Variants in MEGF6 observed in about 807,000 individuals in gnomAD.
The protein encoded by MEGF6 is multiple EGF like domains 6, also known as multiple epidermal growth factor-like domains protein 6.
MEGF6 carries 184 observed loss-of-function variants against 207.1 expected under a neutral mutation model. That is an observed-to-expected ratio of 0.89 (90% confidence interval 0.79 to 1.00). MEGF6 has a LOEUF of 1.00. Ranked by LOEUF, MEGF6 falls within the 50% of genes least tolerant of loss-of-function variation. The pLI, the probability that MEGF6 is intolerant of heterozygous loss-of-function variation, is 0.00. For synonymous variants in MEGF6, 1,038 were observed against 910.0 expected, an observed-to-expected ratio of 1.14 and a Z score of -2.53; for missense variants, 2,282 against 2,202.9, an observed-to-expected ratio of 1.04 and a Z score of -0.72.
intron 30 of MEGF6, among the ~76,000 whole-genome samples, chr1:3,495,175 T>C (rs889242441): frequency 5.3e-5 from 8 of 152,186 alleles, no homozygotes; most frequent in African/African-American, 1.9e-4. Flanking sequence ...TACAGCCGGA[T>C]GCCTGATGAC....
intron 7 of MEGF6, among the ~76,000 whole-genome samples, chr1:3,513,939 G>T (rs2101072629): frequency 6.6e-6 from 1 of 151,872 alleles, no homozygotes; most frequent in South Asian, 2.1e-4. Flanking sequence ...CTGCTGGGCA[G>T]GCACTACTTA....
chr1:3,538,742 G>A (rs1348712553), intron 4 of MEGF6, among the ~76,000 whole-genome samples: 2 of 136,442 alleles, frequency 1.5e-5, no homozygotes, highest in African/African-American at 5.3e-5. Flanking sequence ...GTGTGTGTGT[G>A]TGTCCGCGCT....
chr1:3,552,025 A>G (rs1269852722), intron 4 of MEGF6, among the ~76,000 whole-genome samples: 4 of 152,118 alleles, frequency 2.6e-5, no homozygotes, highest in African/African-American at 2.4e-5. Context: ...CAACGTTACC[A>G]TCAGCCCAGG....
At chr1:3,508,185 C>T (rs571840334) in intron 13 of MEGF6, among the ~76,000 whole-genome samples, 38 of 152,286 alleles carry the variant, frequency 2.5e-4, no homozygotes, top group African/African-American at 7.7e-4. Flanking sequence ...ACAGTTATGA[C>T]GGGTCCCTGG....
chr1:3,623,699 G>T, the MEGF6 span: 1 of 152,286 alleles, frequency 6.6e-6, no homozygotes, highest in African/African-American at 2.4e-5. Context: ...GGGGTATTGG[G>T]TCTTTCTGCC....
intron 24 of MEGF6, 98 bp downstream of exon 24, chr1:3,499,039 TC>T (rs1640736822): frequency 6.6e-7 from 1 of 1,506,442 alleles, no homozygotes; most frequent in Non-Finnish European, 8.9e-7. Context: ...AGCCCCTTCC[TC>T]CCTCCCCCAG....
At chr1:3,621,234 G>A in the MEGF6 span, among the ~76,000 whole-genome samples, 2 of 152,240 alleles carry the variant, frequency 1.3e-5, no homozygotes, top group African/African-American at 2.4e-5. Flanking sequence ...GGTCTGCTCA[G>A]TAGTGGGTGC....
intron 3 of MEGF6, among the ~76,000 whole-genome samples, chr1:3,587,133 G>A (rs1245184223): frequency 1.3e-5 from 2 of 152,250 alleles, no homozygotes; most frequent in East Asian, 3.8e-4. Context: ...ACAAGGACAA[G>A]CTGTCTGTTG....
chr1:3,516,781 T>C (rs1291027256), intron 5 of MEGF6, among the ~76,000 whole-genome samples: 1 of 152,170 alleles, frequency 6.6e-6, no homozygotes, highest in Non-Finnish European at 1.5e-5. Flanking sequence ...TCGCCGTACC[T>C]GTCCCACAGG....
intron 1 of MEGF6, among the ~76,000 whole-genome samples, chr1:3,610,473 CCCTCCT>C (rs879724888): frequency 9.6e-5 from 14 of 146,446 alleles, no homozygotes; most frequent in South Asian, 2.2e-4. Flanking sequence ...CCAGCGACTC[CCCTCCT>C]CCTCCTCCTC....
rs376401646 is a variant in MEGF6, at chr1:3,586,128, G to A, written c.377-6199C>T. Among the ~76,000 whole-genome samples the A allele has an allele frequency of 5.4e-5, 8 of 149,176 alleles. No individual in the cohort carries two copies. In the East Asian group the frequency reaches 1.4e-3, roughly 26 times the overall value. ...GTGAGTGACACGTGTCCTGTGTGTG[G>A]GTGTGACACATGTCCTGTGTGTGTG... On this transcript the variant is annotated intron_variant, in intron 3 of 36. Transcript: ENST00000356575.
intron 35 of MEGF6, among the ~76,000 whole-genome samples, chr1:3,491,751 G>A (rs112065045): frequency 6.8e-6 from 1 of 146,274 alleles, no homozygotes; most frequent in East Asian, 2.0e-4. Context: ...TCCCAACACC[G>A]CTGGGGGGTA....
rs1489123737 is a variant in MEGF6 at position 3,493,695 on chromosome 1, A to G, written c.4387+76T>C. The G allele has an allele frequency of 4.4e-6, 6 of 1,363,470 alleles. No individual in the cohort carries two copies. The Admixed American group carries it at 8.9e-5, about 20-fold the overall frequency. 84.5% of individuals were successfully genotyped at this position (1,363,470 alleles called of 1,614,324 possible). A position where few individuals can be genotyped will look rare whatever the true frequency, so the allele number is the denominator to read the frequency against. On this transcript the variant is annotated intron_variant, in intron 34 of 36. Coordinates refer to ENST00000356575, the MANE Select transcript of MEGF6 (RefSeq NM_001409.4). ...TGGCCAGCCCAGGACTGGCACAGGT[A>G]GGGCCCAACCAATCAATATTGGTCA...
intron 10 of MEGF6, 27 bp downstream of exon 10, chr1:3,510,756 G>A (rs751745019): frequency 6.3e-7 from 1 of 1,583,260 alleles, no homozygotes; most frequent in African/African-American, 1.3e-5. Flanking sequence ...GGCCACCCCA[G>A]CTGTGCAGTG....
chr1:3,496,802 G>C lies in MEGF6; in HGVS notation c.3614-19C>G. 6.5e-7 allele frequency: 1 copy of C among 1,549,814 alleles called. No homozygotes were observed. The highest frequency in any genetic ancestry group is 2.4e-5 in the East Asian group (1 of 41,072). Reference sequence around the variant, plus strand: ...GGACATCCTGCAGGGAGAGGGGCTAGCTGCAGGGGCTGGGGCTGGAGGCTT... The same window carrying C: ...GGACATCCTGCAGGGAGAGGGGCTACCTGCAGGGGCTGGGGCTGGAGGCTT... On this transcript the variant is annotated intron_variant, in intron 28 of 36. Transcript: ENST00000356575.
At position 3,489,831 on chromosome 1, in the gene MEGF6, A is replaced by C. The variant is rs2100792562; in HGVS notation, c.*697T>G. 6.6e-6 allele frequency: 1 copy of C among 152,400 alleles called. No homozygotes were observed. The highest frequency in any genetic ancestry group is 1.9e-4 in the East Asian group (1 of 5,182). The allele number at this position is 152,400 out of a possible 1,614,324, so 9.4% of individuals were successfully genotyped here. A position where few individuals can be genotyped will look rare whatever the true frequency, so the allele number is the denominator to read the frequency against. ...TGCAAAGGGCCCCGGGTGCACTGGG[A>C]GGTCCCTGGGTGCACCGTTATGCTG... is the stretch of plus-strand genomic sequence containing the variant. On this transcript the variant is annotated 3_prime_UTR_variant, in exon 37 of 37. Transcript: ENST00000356575.
chr1:3,570,074 T>C (rs1295127876), intron 4 of MEGF6, among the ~76,000 whole-genome samples: 1 of 152,086 alleles, frequency 6.6e-6, no homozygotes, highest in African/African-American at 2.4e-5. Context: ...AAAGACAGGC[T>C]GGATTCTGCA....
Position 3,493,840 on chromosome 1 carries a change from C to A in MEGF6, c.4318G>T (p.Ala1440Ser). 6.2e-7 allele frequency: 1 copy of A among 1,603,828 alleles called. No homozygotes were observed. The highest frequency in any genetic ancestry group is 1.1e-5 in the South Asian group (1 of 89,624). ...AGACCGGTGACAGGGTCACAGGGTG[C>A]CCCCCCGTCACAGTCACAGCGCTGG... Reference protein sequence around the residue: ...CHQRCDCDGGAPCDPVTGLCL... With the variant: ...CHQRCDCDGGSPCDPVTGLCL... The change falls in exon 34 of 37, where the codon GCA becomes TCA. Residue 1440 changes from alanine (A) to serine (S), a missense_variant. Coordinates refer to ENST00000356575, the MANE Select transcript of MEGF6 (RefSeq NM_001409.4).
intron 1 of MEGF6, among the ~76,000 whole-genome samples, chr1:3,606,681 C>T (rs1441732312): frequency 6.6e-6 from 1 of 152,214 alleles, no homozygotes; most frequent in Non-Finnish European, 1.5e-5. Flanking sequence ...ATAGGAACTG[C>T]TACAGGCATT....
Sources: allele counts gnomAD v4.1 joint callset (sites outside exome capture counted in the v4.1 genomes callset), GRCh38; gene constraint gnomAD v4.1.1; transcripts MANE v1.5; gene names NCBI Gene and HGNC (gene_info 2026-07-23, HGNC 2026-07-21).